Variants in KHDRBS2 observed in about 807,000 individuals in gnomAD.
KHDRBS2 encodes KH RNA binding domain containing, signal transduction associated 2, also known as KH domain-containing, RNA-binding, signal transduction-associated protein 2.
Under a neutral mutation model 44.3 loss-of-function variants are expected in KHDRBS2, and 26 were observed. The ratio of observed to expected loss-of-function variants is 0.59; its 90% confidence interval spans 0.43 to 0.81. KHDRBS2 has a LOEUF of 0.81. KHDRBS2 is among the 40% of genes least tolerant of loss of function. The probability of loss-of-function intolerance (pLI) is 0.00; values close to 1 mark genes in which losing one functional copy is unlikely to be tolerated. For synonymous variants in KHDRBS2, 194 were observed against 151.1 expected, an observed-to-expected ratio of 1.28 and a Z score of -2.08; for missense variants, 476 against 433.1, an observed-to-expected ratio of 1.10 and a Z score of -0.88.
chr6:61,805,644 T>G (rs1169673006), intron 6 of KHDRBS2, among the ~76,000 whole-genome samples: 7 of 152,164 alleles, frequency 4.6e-5, no homozygotes, highest in Non-Finnish European at 2.9e-5. Flanking sequence ...AGGAAATTTA[T>G]AATCATGGCA....
chr6:62,201,762 T>C (rs759739989), intron 1 of KHDRBS2, among the ~76,000 whole-genome samples: 22 of 152,088 alleles, frequency 1.4e-4, no homozygotes, highest in Admixed American at 3.3e-4. Flanking sequence ...AAATAAGTCA[T>C]TTTTATTAAA....
intron 6 of KHDRBS2, among the ~76,000 whole-genome samples, chr6:61,855,687 A>C (rs560059118): frequency 6.6e-6 from 1 of 151,666 alleles, no homozygotes; most frequent in South Asian, 2.1e-4. Flanking sequence ...TAAGATACTC[A>C]AGTCCACATA....
At chr6:61,818,693 T>C (rs1306467104) in intron 6 of KHDRBS2, among the ~76,000 whole-genome samples, 2 of 151,998 alleles carry the variant, frequency 1.3e-5, no homozygotes, top group African/African-American at 2.4e-5. Context: ...TATTTCATTA[T>C]ACTCATCCAT....
At chr6:61,857,649 G>A (rs931105193) in intron 6 of KHDRBS2, among the ~76,000 whole-genome samples, 2 of 151,884 alleles carry the variant, frequency 1.3e-5, no homozygotes, top group Non-Finnish European at 2.9e-5. Context: ...TTTGTTGCCA[G>A]AGTGAACCCC....
At chr6:62,169,055 A>ATATATATATATG (rs1452846459) in intron 2 of KHDRBS2, among the ~76,000 whole-genome samples, 2 of 141,740 alleles carry the variant, frequency 1.4e-5, no homozygotes, top group Admixed American at 7.0e-5. Context: ...ATATATATAT[A>ATATATATATATG]TATATATGTA....
the KHDRBS2 span, among the ~76,000 whole-genome samples, chr6:61,583,115 T>G: frequency 6.6e-6 from 1 of 151,910 alleles, no homozygotes; most frequent in African/African-American, 2.4e-5. Context: ...TTTTCTACCA[T>G]TCTACAAAAT....
rs146499540 is a variant in KHDRBS2 at position 62,139,714 on chromosome 6, G to A, written c.219+37471C>T. The stretch of plus-strand genomic sequence containing the variant: ...CCAGGACAATATACACTTAATCTGA[G>A]CTATGCAATACTGATGAGAAGAATA... On this transcript the variant is annotated intron_variant, in intron 2 of 8. Coordinates refer to ENST00000281156, the MANE Select transcript of KHDRBS2 (RefSeq NM_152688.4). Among the ~76,000 whole-genome samples, 595 of 152,114 alleles carry A rather than the reference G, an allele frequency of 3.9e-3. 3 individuals carry two copies. The highest frequency in any genetic ancestry group is 0.014 in the African/African-American group (565 of 41,512).
chr6:62,065,685 A>G (rs2127336239), intron 2 of KHDRBS2, among the ~76,000 whole-genome samples: 1 of 148,032 alleles, frequency 6.8e-6, no homozygotes, highest in African/African-American at 2.5e-5. Context: ...CTAATGCTAG[A>G]TGACGAGTTA....
At chr6:61,777,011 C>T (rs964373428) in intron 6 of KHDRBS2, among the ~76,000 whole-genome samples, 2 of 152,162 alleles carry the variant, frequency 1.3e-5, no homozygotes, top group African/African-American at 2.4e-5. Context: ...AACTGGAAAC[C>T]GTCATTCTCA....
chr6:61,800,555 A>AT (rs992511465), intron 6 of KHDRBS2, among the ~76,000 whole-genome samples: 1 of 152,068 alleles, frequency 6.6e-6, no homozygotes, highest in African/African-American at 2.4e-5. Flanking sequence ...ATATATACTA[A>AT]TGGGGGGAAA....
At chr6:61,910,224 A>G (rs1805806949) in intron 4 of KHDRBS2, among the ~76,000 whole-genome samples, 1 of 152,242 alleles carries the variant, frequency 6.6e-6, no homozygotes, top group African/African-American at 2.4e-5. Context: ...TTAGCAAAAC[A>G]GAACATGCTA....
intron 6 of KHDRBS2, among the ~76,000 whole-genome samples, chr6:61,873,232 C>T (rs919383978): frequency 2.0e-5 from 3 of 151,968 alleles, no homozygotes; most frequent in Non-Finnish European, 4.4e-5. Flanking sequence ...AAGATAGAAC[C>T]ACAAATCAGT....
intron 6 of KHDRBS2, among the ~76,000 whole-genome samples, chr6:61,766,963 T>A (rs1471449310): frequency 6.6e-6 from 1 of 152,096 alleles, no homozygotes; most frequent in African/African-American, 2.4e-5. Flanking sequence ...AAATACCTAT[T>A]AGGGCTATTG....
chr6:62,031,301 G>A (rs1175546145), intron 3 of KHDRBS2, among the ~76,000 whole-genome samples: 3 of 152,040 alleles, frequency 2.0e-5, no homozygotes, highest in Admixed American at 2.0e-4. Context: ...AGAATTGCTG[G>A]TTTCAGGAGA....
At chr6:61,848,578 T>C (rs1474115934) in intron 6 of KHDRBS2, among the ~76,000 whole-genome samples, 6 of 108,878 alleles carry the variant, frequency 5.5e-5, no homozygotes, top group African/African-American at 2.0e-4. Context: ...TATATATACA[T>C]ATATATATAT....
At chr6:62,239,990 C>CTT (rs370821037) in intron 1 of KHDRBS2, among the ~76,000 whole-genome samples, 2 of 151,422 alleles carry the variant, frequency 1.3e-5, no homozygotes, top group Non-Finnish European at 3.0e-5. Flanking sequence ...AGGCCTTAAA[C>CTT]TTTTTTTTTA....
chr6:62,244,199 T>G (rs1835161572), intron 1 of KHDRBS2, among the ~76,000 whole-genome samples: 1 of 152,160 alleles, frequency 6.6e-6, no homozygotes, highest in Non-Finnish European at 1.5e-5. Context: ...TTGTTTGCTT[T>G]ATCAGTTTGT....
At chr6:62,057,085 G>T (rs1562742944) in intron 2 of KHDRBS2, among the ~76,000 whole-genome samples, 1 of 151,924 alleles carries the variant, frequency 6.6e-6, no homozygotes, top group African/African-American at 2.4e-5. Context: ...CAAAGTGAGA[G>T]AAAGTTGGCT....
In KHDRBS2 at chr6:61,730,714, A is replaced by G. The variant is rs2127560062; in HGVS notation, c.893+1968T>C. Among the ~76,000 whole-genome samples the G allele has an allele frequency of 1.3e-5, 2 of 152,208 alleles. 1 individual carries two copies. The highest frequency in any genetic ancestry group is 4.1e-4 in the South Asian group (2 of 4,822). On this transcript the variant is annotated intron_variant, in intron 7 of 8. Transcript: ENST00000281156. The stretch of plus-strand genomic sequence containing the variant: ...GCTACAAAAATTGAGTGGATAGGAA[A>G]GGAGACAGGGAAGGCAGCAGAAGTG...
Sources: gnomAD v4.1 joint callset for allele counts (sites outside exome capture counted in the v4.1 genomes callset) on GRCh38, gnomAD v4.1.1 for gene constraint, MANE v1.5 for transcripts, NCBI Gene and HGNC (gene_info 2026-07-23, HGNC 2026-07-21) for gene names.